The following PPFIA4 variants were observed in gnomAD, a reference collection of about 807,000 sequenced individuals.
PPFIA4 encodes liprin-alpha-4.
Under a neutral mutation model 145.7 loss-of-function variants are expected in PPFIA4, and 98 were observed. The observed-to-expected ratio is 0.67, with a 90% CI of 0.57 to 0.80. PPFIA4 has a LOEUF of 0.80. PPFIA4 is among the 30% of genes least tolerant of loss of function. The pLI is 0.00. For missense variants in PPFIA4, 1,457 were observed against 1,632.7 expected, an observed-to-expected ratio of 0.89 and a Z score of 1.85; for synonymous variants, 628 against 649.6, an observed-to-expected ratio of 0.97 and a Z score of 0.51.
intron 14 of PPFIA4, among the ~76,000 whole-genome samples, chr1:203,052,180 C>T (rs1660582864): frequency 6.8e-6 from 1 of 147,226 alleles, no homozygotes; most frequent in East Asian, 2.1e-4. Context: ...GGTGGTCGGG[C>T]GTGGGGGGTG....
Position 203,076,472 on chromosome 1 carries a change from T to G in PPFIA4, c.*82T>G, listed in dbSNP as rs1339824977. 7 of 1,347,490 alleles carry G rather than the reference T, an allele frequency of 5.2e-6. No individual in the cohort carries two copies. Among genetic ancestry groups the G allele is most frequent in the Non-Finnish European group, 6.3e-6 (6 of 949,730 alleles). The allele number at this position is 1,347,490 out of a possible 1,614,324, so 83.5% of individuals were successfully genotyped here. On this transcript the variant is annotated 3_prime_UTR_variant, in exon 30 of 30. Transcript: ENST00000295706. ...GACCCCTCTTGCTCGTTCCCCTTCC[T>G]TCCGCAGCTCCTAGTCTCGTCCGTG...
rs2102621350 is a variant in PPFIA4 at position 203,039,031 on chromosome 1, T to C, written c.23T>C (p.Ile8Thr). 6.4e-7 allele frequency: 1 copy of C among 1,558,492 alleles called. No individual in the cohort carries two copies. Among genetic ancestry groups the C allele is most frequent in the Non-Finnish European group, 8.6e-7 (1 of 1,158,262 alleles). Residue 8 changes from isoleucine to threonine, a missense_variant, in exon 2 of 30, where the codon ATC becomes ACC. Ile to Thr is a moderately conservative substitution (Grantham distance 89). Transcript: ENST00000295706. ...ACCATGTGTGAGGTGATGCCCACAA[T>C]CAATGAGGGGGACCGCCTGGGTCCC... The part of the protein sequence containing the change: MCEVMPT[I>T]NEGDRLGPPH...
At chr1:203,032,426 C>CTTTTTT (rs67178955) in intron 1 of PPFIA4, among the ~76,000 whole-genome samples, 5 of 59,484 alleles carry the variant, frequency 8.4e-5, no homozygotes, top group East Asian at 2.8e-4. Flanking sequence ...CCCTTCCCCG[C>CTTTTTT]TTTTTTGTTG....
intron 15 of PPFIA4, 80 bp downstream of exon 15, chr1:203,054,041 T>C: frequency 6.9e-7 from 1 of 1,455,108 alleles, no homozygotes; most frequent in Non-Finnish European, 9.3e-7. Context: ...CTATATGGGT[T>C]TGCCCAACTC....
In PPFIA4 at chr1:203,061,504, C is replaced by G. The variant is rs567532334; in HGVS notation, c.2848-148C>G. ...TGGGTGCACACACCAACCTTGTGTT[C>G]TCTCTTAACCATCCTGACGAGCTTT... On this transcript the variant is annotated intron_variant, in intron 23 of 29. Transcript: ENST00000295706. 1,738 of 766,484 alleles carry G rather than the reference C, an allele frequency of 2.3e-3. 8 individuals carry two copies. The highest frequency in any genetic ancestry group is 3.2e-3 in the South Asian group (145 of 45,706). 47.5% of individuals were successfully genotyped at this position (766,484 alleles called of 1,614,324 possible). A position where few individuals can be genotyped will look rare whatever the true frequency, so the allele number is the denominator to read the frequency against.
At chr1:203,063,126 A>G (rs1339550624) in intron 24 of PPFIA4, 1 of 152,188 alleles carries the variant, frequency 6.6e-6, no homozygotes, top group African/African-American at 2.4e-5. Flanking sequence ...GTCGCTATGA[A>G]AACTAAAGCT....
chr1:203,040,867 C>T (rs1353382266), intron 2 of PPFIA4, among the ~76,000 whole-genome samples: 1 of 152,200 alleles, frequency 6.6e-6, no homozygotes, highest in Non-Finnish European at 1.5e-5. Context: ...GATCCCAGGC[C>T]TACTTGACTT....
chr1:203,030,200 C>T (rs1658716556), intron 1 of PPFIA4, among the ~76,000 whole-genome samples: 1 of 152,116 alleles, frequency 6.6e-6, no homozygotes. Flanking sequence ...ACTGGGCTGC[C>T]AGGGATGTTG....
At chr1:203,067,299 T>C (rs576330003) in intron 25 of PPFIA4, 10 of 205,306 alleles carry the variant, frequency 4.9e-5, no homozygotes, top group African/African-American at 1.8e-4. Flanking sequence ...GAGTATCTTA[T>C]AGGCCATTGT....
In PPFIA4 at chr1:203,075,803, G is replaced by A. The variant is rs1662492705; in HGVS notation, c.3574+46G>A. ...GCATGGCCGAGGCCCAGCCGAGCGCGGGCTTCTTCCTGGCACCCCAGGGCC... is the reference window on the plus strand; with the variant it reads ...GCATGGCCGAGGCCCAGCCGAGCGCAGGCTTCTTCCTGGCACCCCAGGGCC... On this transcript the variant is annotated intron_variant, in intron 29 of 29. Transcript: ENST00000295706. The surrounding 1 kb of genome is among the most constrained non-coding windows in gnomAD (Gnocchi z 4.1). 6 of 1,345,536 alleles carry A rather than the reference G, an allele frequency of 4.5e-6. No homozygotes were observed. Among genetic ancestry groups the A allele is most frequent in the Non-Finnish European group, 4.8e-6 (5 of 1,043,914 alleles). 83.3% of individuals were successfully genotyped at this position (1,345,536 alleles called of 1,614,324 possible).
chr1:203,054,983 G>A lies in PPFIA4; in HGVS notation c.1830-449G>A, dbSNP rs374467689. 5.8e-4 allele frequency among the ~76,000 whole-genome samples: 89 copies of A among 152,248 alleles called. 1 individual carries two copies. Among genetic ancestry groups the A allele is most frequent in the African/African-American group, 2.0e-3 (82 of 41,534 alleles). ...TGCTGAGTGCCTCCCAGGCACACAC[G>A]TGTACCATTTTTATTATTTCTCTCA... On this transcript the variant is annotated intron_variant, in intron 15 of 29. Transcript: ENST00000295706.
intron 1 of PPFIA4, among the ~76,000 whole-genome samples, chr1:203,036,148 A>G (rs1016167782): frequency 6.6e-6 from 1 of 152,226 alleles, no homozygotes; most frequent in Non-Finnish European, 1.5e-5. Flanking sequence ...CTCCACCCAC[A>G]GGTGGCCAAC....
chr1:203,029,096 A>G (rs919048089), intron 1 of PPFIA4, among the ~76,000 whole-genome samples: 1 of 152,030 alleles, frequency 6.6e-6, no homozygotes, highest in Non-Finnish European at 1.5e-5. Context: ...TGGGGGAAGG[A>G]GCTCTAAGCG....
At chr1:203,027,833 T>A (rs1281628763) in intron 1 of PPFIA4, among the ~76,000 whole-genome samples, 1 of 152,190 alleles carries the variant, frequency 6.6e-6, no homozygotes, top group African/African-American at 2.4e-5. Context: ...CCCATCCCCA[T>A]TCTGTTACAT....
At chr1:203,027,987 A>G (rs1658534687) in intron 1 of PPFIA4, among the ~76,000 whole-genome samples, 2 of 152,358 alleles carry the variant, frequency 1.3e-5, no homozygotes, top group African/African-American at 4.8e-5. Context: ...GGCAGCTTGA[A>G]TGATTTCCCT....
Position 203,075,449 on chromosome 1 carries a change from C to A in PPFIA4, c.3394-128C>A. 1.4e-6 allele frequency: 1 copy of A among 701,710 alleles called. No homozygotes were observed. The highest frequency in any genetic ancestry group is 2.0e-6 in the Non-Finnish European group (1 of 498,762). The allele number at this position is 701,710 out of a possible 1,614,324, so 43.5% of individuals were successfully genotyped here. A position where few individuals can be genotyped will look rare whatever the true frequency, so the allele number is the denominator to read the frequency against. On this transcript the variant is annotated intron_variant, in intron 28 of 29. Coordinates refer to ENST00000295706, the MANE Select transcript of PPFIA4 (RefSeq NM_001304331.2). The surrounding 1 kb of genome is among the most constrained non-coding windows in gnomAD (Gnocchi z 4.1). ...CAAGGCTAGAAAGGGGAAGTGACCT[C>A]GCTCCCTCTTTCCAAAGGGGTGGGA...
At chr1:203,076,285 G>T (rs11578206) in intron 29 of PPFIA4, 56 bp from the exon 30 acceptor site, 569,118 of 1,552,062 alleles carry the variant, frequency 0.37, 106,107 homozygotes, top group Non-Finnish European at 0.38. Context: ...AACCTCTCTC[G>T]CAGATGCCCT....
At chr1:203,059,887 G>A (rs1161248210) in intron 21 of PPFIA4, 36 bp downstream of exon 21, 1 of 1,544,516 alleles carries the variant, frequency 6.5e-7, no homozygotes, top group Admixed American at 1.8e-5. Flanking sequence ...TCAGGGGTCT[G>A]GAGGGAAGGA....
Position 203,055,941 on chromosome 1 carries a change from A to G in PPFIA4, c.2071-179A>G, listed in dbSNP as rs1402129578. ...ACCTCTTCCTTTCTTCCAGAGAAAT[A>G]AGCCCTGGCTTGTTTTTCTAGGCCA... On this transcript the variant is annotated intron_variant, in intron 16 of 29. Coordinates refer to ENST00000295706, the MANE Select transcript of PPFIA4 (RefSeq NM_001304331.2). The surrounding 1 kb of genome is among the most constrained non-coding windows in gnomAD (Gnocchi z 4.8). 6.6e-6 allele frequency among the ~76,000 whole-genome samples: 1 copy of G among 151,232 alleles called. No homozygotes were observed. The highest frequency in any genetic ancestry group is 2.4e-5 in the African/African-American group (1 of 41,162).
Sources: gnomAD v4.1 joint callset for allele counts (sites outside exome capture counted in the v4.1 genomes callset) on GRCh38, gnomAD v4.1.1 for gene constraint, Gnocchi (gnomAD v3.1) non-coding constraint, MANE v1.5 for transcripts, NCBI Gene and HGNC (gene_info 2026-07-23, HGNC 2026-07-21) for gene names.